The following CACNA2D3 variants were observed in gnomAD, a reference collection of about 807,000 sequenced individuals.
CACNA2D3 encodes the protein calcium voltage-gated channel auxiliary subunit alpha2delta 3.
A neutral mutation model predicts 160.6 loss-of-function variants in CACNA2D3; 60 were observed. The observed-to-expected ratio is 0.37, with a 90% CI of 0.30 to 0.46. The LOEUF (loss-of-function observed/expected upper bound fraction) is 0.46, where lower values mean the gene tolerates loss of function less well. Ranked by LOEUF, CACNA2D3 falls within the 20% of genes least tolerant of loss-of-function variation. CACNA2D3 has a pLI of 1.00. For missense variants in CACNA2D3, 1,205 were observed against 1,365.0 expected (o/e 0.88, Z 1.85); for synonymous variants, 558 against 492.9 (o/e 1.13, Z -1.75).
chr3:54,831,405 G>A lies in CACNA2D3; in HGVS notation c.1399-5754G>A, dbSNP rs146616957. The stretch of plus-strand genomic sequence containing the variant: ...AGGCTTCTGCCACCAGTCCTGGCAA[G>A]CTTCCTCTGAATAGAGTTATGAAGA... On this transcript the variant is annotated intron_variant, in intron 14 of 37. Transcript: ENST00000474759. 1.1e-4 allele frequency among the ~76,000 whole-genome samples: 17 copies of A among 152,350 alleles called. No homozygotes were observed. In the East Asian group the frequency reaches 3.3e-3, roughly 29 times the overall value.
chr3:54,421,095 G>A (rs1699829905), intron 4 of CACNA2D3, among the ~76,000 whole-genome samples: 2 of 152,162 alleles, frequency 1.3e-5, no homozygotes, highest in South Asian at 4.1e-4. Flanking sequence ...GCTCTTTCCT[G>A]GAAGTTTTGC....
At chr3:54,822,542 C>G (rs1315228944) in intron 14 of CACNA2D3, among the ~76,000 whole-genome samples, 1 of 152,170 alleles carries the variant, frequency 6.6e-6, no homozygotes, top group Admixed American at 6.5e-5. Flanking sequence ...TTCCATGGCC[C>G]TATCCAACTT....
chr3:54,322,936 G>C (rs1473823654), intron 3 of CACNA2D3, among the ~76,000 whole-genome samples: 1 of 152,154 alleles, frequency 6.6e-6, no homozygotes, highest in East Asian at 1.9e-4. Context: ...CTTGCAATGT[G>C]TATTCTATAT....
intron 3 of CACNA2D3, among the ~76,000 whole-genome samples, chr3:54,336,740 T>C (rs753575014): frequency 7.2e-5 from 11 of 152,172 alleles, no homozygotes; most frequent in Non-Finnish European, 1.5e-4. Flanking sequence ...AGTTCAAATG[T>C]GCTGGATGTG....
At chr3:54,956,081 C>T (rs1197332087) in intron 27 of CACNA2D3, among the ~76,000 whole-genome samples, 1 of 152,186 alleles carries the variant, frequency 6.6e-6, no homozygotes, top group Non-Finnish European at 1.5e-5. Flanking sequence ...TCTCCCTCCC[C>T]TCCCTCCTCA....
chr3:54,418,632 G>A (rs1699793775), intron 4 of CACNA2D3, among the ~76,000 whole-genome samples: 1 of 152,204 alleles, frequency 6.6e-6, no homozygotes, highest in Non-Finnish European at 1.5e-5. Flanking sequence ...TCTGAAAACA[G>A]AAAGACACAG....
At chr3:54,489,325 T>C (rs1334538009) in intron 4 of CACNA2D3, among the ~76,000 whole-genome samples, 1 of 152,188 alleles carries the variant, frequency 6.6e-6, no homozygotes, top group Non-Finnish European at 1.5e-5. Context: ...GACGACTGTG[T>C]CTTCACCCTG....
chr3:54,524,453 C>T (rs895466566), intron 5 of CACNA2D3, among the ~76,000 whole-genome samples: 2 of 151,888 alleles, frequency 1.3e-5, no homozygotes. Context: ...CCCACGTGCA[C>T]GTGAGAAGAA....
chr3:54,734,823 A>G (rs1030138526), intron 11 of CACNA2D3, among the ~76,000 whole-genome samples: 4 of 152,236 alleles, frequency 2.6e-5, no homozygotes, highest in Non-Finnish European at 5.9e-5. Flanking sequence ...TAACAAAAGA[A>G]TGAACTGGTG....
At chr3:54,886,576 C>T (rs1254125182) in intron 23 of CACNA2D3, among the ~76,000 whole-genome samples, 1 of 152,158 alleles carries the variant, frequency 6.6e-6, no homozygotes, top group Admixed American at 6.5e-5. Context: ...TGCTCAGCCT[C>T]GTTTCCCTCC....
intron 13 of CACNA2D3, among the ~76,000 whole-genome samples, chr3:54,786,027 C>CT (rs1399184559): frequency 6.6e-6 from 1 of 152,132 alleles, no homozygotes; most frequent in African/African-American, 2.4e-5. Flanking sequence ...CATCATGGTC[C>CT]TTTCTTGTTT....
chr3:54,403,899 A>C (rs1699523306), intron 4 of CACNA2D3, among the ~76,000 whole-genome samples: 1 of 152,196 alleles, frequency 6.6e-6, no homozygotes, highest in African/African-American at 2.4e-5. Context: ...GAGGAAATGG[A>C]TAAATTCTTT....
chr3:54,414,801 CTT>C (rs34567327), intron 4 of CACNA2D3, among the ~76,000 whole-genome samples: 47,903 of 138,328 alleles, frequency 0.35, 8,090 homozygotes, highest in East Asian at 0.43. Flanking sequence ...ATTCTTTTAA[CTT>C]TTTTTTTTTT....
intron 4 of CACNA2D3, among the ~76,000 whole-genome samples, chr3:54,495,625 T>C (rs1005053089): frequency 3.3e-5 from 5 of 152,246 alleles, no homozygotes; most frequent in Middle Eastern, 3.4e-3. Context: ...GGTGCACACT[T>C]GTTATCCCAG....
chr3:54,871,223 ACC>A (rs140137047), intron 17 of CACNA2D3, among the ~76,000 whole-genome samples: 7,795 of 144,070 alleles, frequency 0.054, 352 homozygotes, highest in South Asian at 0.11. Flanking sequence ...ACACACACAC[ACC>A]CCCCATTCAA....
At chr3:54,247,857 TCTGC>T (rs1237585570) in intron 2 of CACNA2D3, among the ~76,000 whole-genome samples, 3,414 of 152,150 alleles carry the variant, frequency 0.022, 90 homozygotes, top group African/African-American at 0.067. Flanking sequence ...TTGTCTCATA[TCTGC>T]CATGCCTAGT....
At chr3:54,186,098 A>G (rs1700874580) in intron 2 of CACNA2D3, among the ~76,000 whole-genome samples, 1 of 152,192 alleles carries the variant, frequency 6.6e-6, no homozygotes, top group Non-Finnish European at 1.5e-5. Context: ...CTTGGAGGGC[A>G]GAGACCTTAT....
Position 54,739,751 on chromosome 3 carries a change from A to ATGTGTGTGTGTG in CACNA2D3, c.1168-12815_1168-12804dup, listed in dbSNP as rs5849058. Among the ~76,000 whole-genome samples, 247 of 145,950 alleles carry ATGTGTGTGTGTG rather than the reference A, an allele frequency of 1.7e-3. 1 individual carries two copies. The highest frequency in any genetic ancestry group is 4.9e-3 in the African/African-American group (190 of 38,658). On this transcript the variant is annotated intron_variant, in intron 11 of 37. Transcript: ENST00000474759. ...GAATGACAGGCCCTTCTCCTCATAT[A>ATGTGTGTGTGTG]TGTGTGTGTGTGTGTGTGTGTGTGT...
intron 12 of CACNA2D3, among the ~76,000 whole-genome samples, chr3:54,754,985 G>A (rs1701945034): frequency 6.6e-6 from 1 of 152,162 alleles, no homozygotes; most frequent in Non-Finnish European, 1.5e-5. Context: ...TTCCTTCTCA[G>A]TTTCTTCTGA....
Sources: allele counts gnomAD v4.1 joint callset (sites outside exome capture counted in the v4.1 genomes callset), GRCh38; gene constraint gnomAD v4.1.1; transcripts MANE v1.5; gene names NCBI Gene and HGNC (gene_info 2026-07-23, HGNC 2026-07-21).